Variants in CGNL1 observed in about 807,000 individuals in gnomAD.
CGNL1 encodes cingulin-like protein 1.
A neutral mutation model predicts 141.2 loss-of-function variants in CGNL1; 132 were observed. The ratio of observed to expected loss-of-function variants is 0.93; its 90% CI spans 0.81 to 1.08. The LOEUF is 1.08. CGNL1 is among the 50% of genes least tolerant of loss of function. The pLI is 0.00. For synonymous variants in CGNL1, 690 were observed against 622.1 expected, an observed-to-expected ratio of 1.11 and a Z score of -1.63; for missense variants, 1,870 against 1,588.6, an observed-to-expected ratio of 1.18 and a Z score of -3.01.
intron 13 of CGNL1, 62 bp from the exon 14 acceptor site, chr15:57,531,628 C>A (rs1283111908): frequency 2.9e-6 from 3 of 1,032,906 alleles, no homozygotes; most frequent in African/African-American, 1.6e-5. Flanking sequence ...TGTGGGGGAG[C>A]CTTTGCTGTT....
intron 7 of CGNL1, among the ~76,000 whole-genome samples, chr15:57,458,368 A>C (rs1457103210): frequency 6.6e-6 from 1 of 152,086 alleles, no homozygotes; most frequent in Non-Finnish European, 1.5e-5. Context: ...TTTAGTCTCT[A>C]CTCTGGAAAA....
chr15:57,432,230 C>A (rs1174762724), intron 1 of CGNL1, among the ~76,000 whole-genome samples: 2 of 152,164 alleles, frequency 1.3e-5, no homozygotes, highest in Non-Finnish European at 2.9e-5. Flanking sequence ...TCCTCCGTAG[C>A]CACAGGGCCC....
chr15:57,384,467 C>A (rs2062460504), intron 1 of CGNL1, among the ~76,000 whole-genome samples: 1 of 152,148 alleles, frequency 6.6e-6, no homozygotes, highest in Admixed American at 6.6e-5. Context: ...GGGTTGAAAC[C>A]CTTGCTGTCC....
chr15:57,536,495 T>A (rs1555449640), intron 14 of CGNL1, among the ~76,000 whole-genome samples: 1 of 143,920 alleles, frequency 6.9e-6, no homozygotes, highest in Non-Finnish European at 1.5e-5. Context: ...GATTTGGAGT[T>A]GATAAAATGA....
In CGNL1 at chr15:57,433,993, A is replaced by T. The variant is rs76934535; in HGVS notation, c.-15-3992A>T. ...CTTCTCCACACTTGCAGAGCCACCAATCTGCTTTGGTCCTTCATTCTTAAA... is the reference window on the plus strand; with the variant it reads ...CTTCTCCACACTTGCAGAGCCACCATTCTGCTTTGGTCCTTCATTCTTAAA... On this transcript the variant is annotated intron_variant, in intron 1 of 18. Transcript: ENST00000281282. Among the ~76,000 whole-genome samples the T allele has an allele frequency of 5.6e-3, 859 of 152,332 alleles. 42 individuals carry two copies. The East Asian group carries it at 0.11, about 19-fold the overall frequency.
intron 1 of CGNL1, among the ~76,000 whole-genome samples, chr15:57,418,370 C>A (rs950439874): frequency 2.0e-4 from 30 of 152,224 alleles, no homozygotes; most frequent in African/African-American, 7.0e-4. Flanking sequence ...CAATTCCTTT[C>A]TGTTTCTCTT....
rs938355921 is a variant in CGNL1 at position 57,453,627 on chromosome 15, G to A, written c.2055-56G>A. ...CCTCTGAAGATCAGAAATCAGACTG[G>A]ATGGAAATAAGCAGAGCCCAGAAGA... On this transcript the variant is annotated intron_variant, in intron 6 of 18. Transcript: ENST00000281282. The A allele has an allele frequency of 7.5e-6, 12 of 1,602,912 alleles. No homozygotes were observed. The East Asian group carries it at 2.2e-4, about 30-fold the overall frequency.
chr15:57,453,484 G>C (rs1376366143), intron 6 of CGNL1, among the ~76,000 whole-genome samples, 199 bp from the exon 7 acceptor site: 1 of 152,256 alleles, frequency 6.6e-6, no homozygotes, highest in African/African-American at 2.4e-5. Flanking sequence ...TTATCCTCTT[G>C]TAAGCAATTA....
chr15:57,485,854 A>G (rs1271887247), intron 8 of CGNL1, among the ~76,000 whole-genome samples: 4 of 152,212 alleles, frequency 2.6e-5, no homozygotes, highest in Non-Finnish European at 5.9e-5. Context: ...GCAGCAGCAC[A>G]GCTCTCCAGA....
chr15:57,537,084 T>G (rs1384975722), intron 14 of CGNL1, among the ~76,000 whole-genome samples: 1 of 152,190 alleles, frequency 6.6e-6, no homozygotes, highest in African/African-American at 2.4e-5. Flanking sequence ...GCTGGCTCGA[T>G]AAGCACTGCT....
chr15:57,516,369 C>T (rs2030797367), intron 8 of CGNL1, among the ~76,000 whole-genome samples: 1 of 152,038 alleles, frequency 6.6e-6, no homozygotes, highest in African/African-American at 2.4e-5. Flanking sequence ...AAGAATAGCA[C>T]CCGCCTTCTG....
At chr15:57,498,352 C>T (rs144093298) in intron 8 of CGNL1, among the ~76,000 whole-genome samples, 6 of 139,156 alleles carry the variant, frequency 4.3e-5, no homozygotes, top group East Asian at 4.2e-4. Context: ...CGGGCTCAAG[C>T]GATTCTCCCA....
At chr15:57,505,369 C>G (rs1416295932) in intron 8 of CGNL1, among the ~76,000 whole-genome samples, 1 of 152,168 alleles carries the variant, frequency 6.6e-6, no homozygotes. Context: ...GAAGTTGTTA[C>G]TTGCACAAAA....
chr15:57,462,133 A>G (rs75374018), intron 8 of CGNL1, among the ~76,000 whole-genome samples: 2 of 152,132 alleles, frequency 1.3e-5, no homozygotes, highest in Non-Finnish European at 2.9e-5. Context: ...AGAGGGGGAG[A>G]TGAAGAAGCT....
chr15:57,442,435 C>T lies in CGNL1; in HGVS notation c.1760C>T (p.Thr587Ile), dbSNP rs767063658. ...KVNLVFEKIQ[T>I]LKSRAAGSAQ... Reference sequence around the variant, plus strand: ...AACTTGGTCTTTGAGAAAATCCAGACCTTAAAGTCTCGAGCAGCTGGGAGC... The same window carrying T: ...AACTTGGTCTTTGAGAAAATCCAGATCTTAAAGTCTCGAGCAGCTGGGAGC... Residue 587 changes from threonine to isoleucine, a missense_variant, in exon 4 of 19, where the codon ACC becomes ATC. Physicochemically the swap from Thr to Ile is moderately conservative, Grantham distance 89. Coordinates refer to ENST00000281282, the MANE Select transcript of CGNL1 (RefSeq NM_032866.5). 6.2e-7 allele frequency: 1 copy of T among 1,613,602 alleles called. No homozygotes were observed. Among genetic ancestry groups the T allele is most frequent in the East Asian group, 2.2e-5 (1 of 44,848 alleles).
chr15:57,478,259 T>C (rs1270922873), intron 8 of CGNL1: 1 of 152,194 alleles, frequency 6.6e-6, no homozygotes, highest in African/African-American at 2.4e-5. Context: ...GCCACAGTGA[T>C]CAAGATGCTC....
chr15:57,518,634 T>C (rs2031020602), intron 10 of CGNL1, 137 bp downstream of exon 10: 4 of 649,440 alleles, frequency 6.2e-6, no homozygotes, highest in African/African-American at 3.6e-5. Flanking sequence ...CACTCAGTTA[T>C]TTGAACTATC....
intron 12 of CGNL1, chr15:57,527,331 G>C (rs2031676207): frequency 6.6e-6 from 1 of 152,338 alleles, no homozygotes; most frequent in East Asian, 1.9e-4. Context: ...CTCAACTACT[G>C]GGGCTTTCCA....
rs760495415 is a variant in CGNL1 at position 57,544,526 on chromosome 15, C to A, written c.3429C>A (p.Ser1143Arg). Residue 1143 changes from serine (S) to arginine (R), a missense_variant, in exon 16 of 19, where the codon AGC becomes AGA. Coordinates refer to ENST00000281282, the MANE Select transcript of CGNL1 (RefSeq NM_032866.5). ...ACCTGGAAGGTTCCTACAGGTCCAG[C>A]AAAGAGGGGCTGGTTGTGCAGATGG... ...IIHLEGSYRS[S>R]KEGLVVQMEA... The A allele has an allele frequency of 8.7e-6, 14 of 1,612,788 alleles. No homozygotes were observed. Among genetic ancestry groups the A allele is most frequent in the Admixed American group, 3.3e-5 (2 of 59,800 alleles).
Sources: gnomAD v4.1 joint callset for allele counts (sites outside exome capture counted in the v4.1 genomes callset) on GRCh38, gnomAD v4.1.1 for gene constraint, MANE v1.5 for transcripts, NCBI Gene and HGNC (gene_info 2026-07-23, HGNC 2026-07-21) for gene names.